ANO3: variants seen among roughly 807,000 people sequenced by gnomAD.
ANO3 encodes the protein anoctamin-3.
In ANO3, 99 loss-of-function variants were observed where a neutral mutation model predicts 144.8. The observed-to-expected ratio is 0.68, with a 90% CI of 0.58 to 0.81. The LOEUF is 0.81. Ranked by LOEUF, ANO3 falls within the 30% of genes least tolerant of loss-of-function variation. The pLI, the probability that ANO3 is intolerant of heterozygous loss-of-function variation, is 0.00. For missense variants in ANO3, 905 were observed against 1,202.2 expected (o/e 0.75, Z 3.66); for synonymous variants, 414 against 392.6 (o/e 1.05, Z -0.64).
intron 1 of ANO3, among the ~76,000 whole-genome samples, chr11:26,279,707 T>C (rs1389015204): frequency 6.6e-6 from 1 of 152,114 alleles, no homozygotes; most frequent in Non-Finnish European, 1.5e-5. Flanking sequence ...ACCAGAAAAC[T>C]GGATAAATAG....
intron 1 of ANO3, among the ~76,000 whole-genome samples, chr11:26,310,329 G>T (rs1477116649): frequency 1.3e-5 from 2 of 152,108 alleles, no homozygotes; most frequent in Non-Finnish European, 2.9e-5. Flanking sequence ...CCAATTGATT[G>T]GTTATTGGTT....
chr11:26,365,616 A>G (rs1247973477), intron 1 of ANO3, among the ~76,000 whole-genome samples: 2 of 152,220 alleles, frequency 1.3e-5, no homozygotes, highest in East Asian at 1.9e-4. Context: ...GGAAGCCACC[A>G]CAGCTAATGG....
At chr11:26,543,921 G>A (rs564496448) in intron 11 of ANO3, among the ~76,000 whole-genome samples, 22 of 151,898 alleles carry the variant, frequency 1.4e-4, no homozygotes, top group African/African-American at 4.6e-4. Flanking sequence ...ATAAACATAC[G>A]CTTTTAATTT....
intron 1 of ANO3, among the ~76,000 whole-genome samples, chr11:26,250,291 TC>T (rs1186346965): frequency 6.6e-6 from 1 of 152,222 alleles, no homozygotes; most frequent in Non-Finnish European, 1.5e-5. Flanking sequence ...GTCTCTTTGT[TC>T]CACCCATTTG....
intron 1 of ANO3, among the ~76,000 whole-genome samples, chr11:26,371,641 C>T (rs1856260590): frequency 6.6e-6 from 1 of 152,240 alleles, no homozygotes; most frequent in South Asian, 2.1e-4. Context: ...GGAGCAACTG[C>T]CCAAGACTGT....
intron 1 of ANO3, among the ~76,000 whole-genome samples, chr11:26,404,614 A>G (rs1857229744): frequency 6.6e-6 from 1 of 151,938 alleles, no homozygotes; most frequent in East Asian, 1.9e-4. Flanking sequence ...AGCAGTTGCT[A>G]TTATTATTCA....
chr11:26,439,581 C>G (rs1858438483), intron 1 of ANO3, among the ~76,000 whole-genome samples: 1 of 152,112 alleles, frequency 6.6e-6, no homozygotes, highest in African/African-American at 2.4e-5. Flanking sequence ...CTAAAAAGAG[C>G]TAAACTGTAT....
chr11:26,215,056 C>G (rs945393034), intron 1 of ANO3, among the ~76,000 whole-genome samples: 5 of 151,930 alleles, frequency 3.3e-5, no homozygotes, highest in African/African-American at 1.2e-4. Flanking sequence ...TACGTACTAT[C>G]AACATGACTT....
chr11:26,359,601 T>G (rs1290114510), intron 1 of ANO3, among the ~76,000 whole-genome samples: 1 of 150,854 alleles, frequency 6.6e-6, no homozygotes, highest in Non-Finnish European at 1.5e-5. Context: ...CTGCAAACAC[T>G]GTGCACCTTG....
intron 19 of ANO3, 63 bp downstream of exon 19, chr11:26,634,378 C>A: frequency 1.9e-6 from 2 of 1,067,290 alleles, no homozygotes; most frequent in Non-Finnish European, 1.4e-6. Flanking sequence ...GTTTAATTGA[C>A]GATTACTGTT....
chr11:26,353,891 C>T (rs533216820), intron 1 of ANO3, among the ~76,000 whole-genome samples: 5 of 152,266 alleles, frequency 3.3e-5, no homozygotes, highest in Middle Eastern at 3.4e-3. Context: ...ACTTGTCTGT[C>T]ACTACCAATT....
At chr11:26,384,423 G>A (rs1007778581) in intron 1 of ANO3, among the ~76,000 whole-genome samples, 20 of 152,090 alleles carry the variant, frequency 1.3e-4, no homozygotes, top group Non-Finnish European at 2.5e-4. Context: ...TATTAGCTCC[G>A]AGATGAGCTC....
chr11:26,215,688 C>A (rs747944213), intron 1 of ANO3, among the ~76,000 whole-genome samples: 3 of 149,316 alleles, frequency 2.0e-5, no homozygotes, highest in Non-Finnish European at 4.5e-5. Context: ...AATATGTATG[C>A]GGTGAATAAT....
rs192092964 is a variant in ANO3 at position 26,289,834 on chromosome 11, T to A, written c.155-19811T>A. 2.4e-4 allele frequency among the ~76,000 whole-genome samples: 36 copies of A among 151,418 alleles called. No individual in the cohort carries two copies. In the East Asian group the frequency reaches 4.5e-3, roughly 19 times the overall value. On this transcript the variant is annotated intron_variant, in intron 1 of 27. Transcript: ENST00000672621. Reference sequence around the variant, plus strand: ...TATATGTATAATGCCAGTATTTTATTGAGGATTTTTGCATCGATGTTCATC... The same window carrying A: ...TATATGTATAATGCCAGTATTTTATAGAGGATTTTTGCATCGATGTTCATC...
At chr11:26,285,110 A>AG (rs1853775172) in intron 1 of ANO3, among the ~76,000 whole-genome samples, 1 of 146,856 alleles carries the variant, frequency 6.8e-6, no homozygotes, top group Non-Finnish European at 1.5e-5. Flanking sequence ...TTTTTTTTTA[A>AG]TTATGGTAAG....
At chr11:26,338,395 A>G (rs1225617113) in intron 1 of ANO3, among the ~76,000 whole-genome samples, 2 of 152,196 alleles carry the variant, frequency 1.3e-5, no homozygotes, top group Admixed American at 6.5e-5. Context: ...TAAACGCAGC[A>G]ATCAGCACTC....
intron 17 of ANO3, 49 bp downstream of exon 17, chr11:26,599,763 G>T (rs769115016): frequency 6.5e-7 from 1 of 1,538,960 alleles, no homozygotes; most frequent in South Asian, 1.2e-5. Flanking sequence ...GGGGTGGAAA[G>T]GGGAGAGGTC....
chr11:26,293,099 T>G (rs1853997488), intron 1 of ANO3, among the ~76,000 whole-genome samples: 1 of 152,218 alleles, frequency 6.6e-6, no homozygotes, highest in Non-Finnish European at 1.5e-5. Context: ...AGCTTCACTT[T>G]AATCCAAATC....
chr11:26,577,012 A>C (rs1048061887), intron 14 of ANO3, among the ~76,000 whole-genome samples: 1 of 151,202 alleles, frequency 6.6e-6, no homozygotes, highest in African/African-American at 2.4e-5. Context: ...CTGAAACTTG[A>C]CTTTTTTTTC....
Sources: allele counts gnomAD v4.1 joint callset (sites outside exome capture counted in the v4.1 genomes callset), GRCh38; gene constraint gnomAD v4.1.1; transcripts MANE v1.5; gene names NCBI Gene and HGNC (gene_info 2026-07-23, HGNC 2026-07-21).